The following SFPQ variants were observed in gnomAD, a reference collection of about 807,000 sequenced individuals.
The protein encoded by SFPQ is splicing factor proline and glutamine rich.
Under a neutral mutation model 72.9 loss-of-function variants are expected in SFPQ, and 11 were observed. The ratio of observed to expected loss-of-function variants is 0.15; its 90% CI spans 0.09 to 0.25. SFPQ has a LOEUF of 0.25. SFPQ is among the 10% of genes least tolerant of loss of function. SFPQ has a pLI of 1.00. For synonymous variants in SFPQ, 506 were observed against 367.3 expected (o/e 1.38, Z -4.32); for missense variants, 847 against 993.3 (o/e 0.85, Z 1.98).
rs767762835 is a variant in SFPQ at position 35,192,940 on chromosome 1, C to G, written c.110G>C (p.Gly37Ala). Residue 37 changes from glycine (G) to alanine (A), a missense_variant, in exon 1 of 10, where the codon GGC (glycine) becomes GCC (alanine). By Grantham distance (60) the Gly-to-Ala change is moderately conservative (BLOSUM62 0). Around this residue, in one of 6 missense-constraint regions of SFPQ, gnomAD observed 498 missense variants for 405.1 expected, o/e 1.23. Transcript: ENST00000357214. ...GLHDFRSPPP[G>A]MGLNQNRGPM... is the part of the protein sequence containing the mutation. Reference sequence around the variant, plus strand: ...GCCGCGATTCTGATTGAGGCCCATGCCGGGCGGCGGAGAACGGAAGTCGTG... The same window carrying G: ...GCCGCGATTCTGATTGAGGCCCATGGCGGGCGGCGGAGAACGGAAGTCGTG... 13 of 1,586,012 alleles carry G rather than the reference C, an allele frequency of 8.2e-6. No individual in the cohort carries two copies. In the African/African-American group the frequency reaches 1.2e-4, roughly 15 times the overall value.
At chr1:35,188,614 A>G (rs931501981) in intron 6 of SFPQ, among the ~76,000 whole-genome samples, 3 of 152,180 alleles carry the variant, frequency 2.0e-5, no homozygotes, top group African/African-American at 7.2e-5. Context: ...GACTGCAGTG[A>G]GCTATGATCA....
chr1:35,191,321 A>T lies in SFPQ; in HGVS notation c.1017+20T>A, dbSNP rs767364111. The T allele has an allele frequency of 3.1e-6, 5 of 1,606,104 alleles. No homozygotes were observed. The African/African-American group carries it at 6.7e-5, about 22-fold the overall frequency. The stretch of plus-strand genomic sequence containing the variant: ...CCCCACCCTTTTTAATTCTACGTAA[A>T]ATCAAACAATTACACTCACAAGCTT... On this transcript the variant is annotated intron_variant, in intron 2 of 9. Coordinates refer to ENST00000357214, the MANE Select transcript of SFPQ (RefSeq NM_005066.3).
chr1:35,178,237 G>A (rs1570102584), downstream of SFPQ: 3 of 1,096,546 alleles, frequency 2.7e-6, no homozygotes, highest in East Asian at 1.6e-4. Flanking sequence ...GTAGACACCT[G>A]AATTAGAATG....
chr1:35,176,436 C>T (rs1433062128), exon 6 of SFPQ: 3 of 152,062 alleles, frequency 2.0e-5, no homozygotes, highest in Non-Finnish European at 4.4e-5. Flanking sequence ...CCTTCCACTC[C>T]TTCTCGTTGG....
At chr1:35,189,990 G>A (rs779875783) in intron 4 of SFPQ, among the ~76,000 whole-genome samples, 1 of 152,024 alleles carries the variant, frequency 6.6e-6, no homozygotes, top group Non-Finnish European at 1.5e-5. Context: ...AGCCAGGCAC[G>A]GTGCATCATG....
At chr1:35,189,482 G>A (rs907994097) in intron 4 of SFPQ, 100 bp from the exon 5 acceptor site, 4 of 996,022 alleles carry the variant, frequency 4.0e-6, no homozygotes, top group Admixed American at 2.9e-5. Flanking sequence ...TTCTTGTAAA[G>A]AGTACAAAAG....
downstream of SFPQ, chr1:35,179,695 G>A (rs1009929591): frequency 2.2e-5 from 23 of 1,057,052 alleles, no homozygotes; most frequent in South Asian, 1.4e-4. Context: ...ATCTGAAAGT[G>A]AACAGGGTAA....
chr1:35,177,968 A>G, downstream of SFPQ: 1 of 1,211,986 alleles, frequency 8.3e-7, no homozygotes, highest in Non-Finnish European at 1.1e-6. Flanking sequence ...GTAGGGGTTA[A>G]GATTTCTAAA....
chr1:35,192,071 A>T, intron 1 of SFPQ, 151 bp downstream of exon 1: 2 of 475,032 alleles, frequency 4.2e-6, no homozygotes, highest in Non-Finnish European at 6.5e-6. Flanking sequence ...CCGCCGACCG[A>T]CGGCCCCGCA....
At chr1:35,186,260 C>T (rs181825899) in intron 9 of SFPQ, among the ~76,000 whole-genome samples, 2 of 152,172 alleles carry the variant, frequency 1.3e-5, no homozygotes, top group Non-Finnish European at 2.9e-5. Flanking sequence ...TCAGTCCTAA[C>T]GATTTGTAAA....
downstream of SFPQ, chr1:35,180,430 G>T: frequency 9.5e-7 from 1 of 1,047,638 alleles, no homozygotes; most frequent in Non-Finnish European, 1.2e-6. Flanking sequence ...CAGAAACGAC[G>T]ATGTCTTATG....
intron 4 of SFPQ, among the ~76,000 whole-genome samples, chr1:35,189,935 C>A (rs1468652287): frequency 2.6e-5 from 4 of 151,154 alleles, no homozygotes; most frequent in Admixed American, 1.3e-4. Flanking sequence ...TGGGAAACAA[C>A]AGCGAAACTC....
At chr1:35,189,631 G>A (rs962110105) in intron 4 of SFPQ, among the ~76,000 whole-genome samples, 6 of 151,994 alleles carry the variant, frequency 3.9e-5, no homozygotes, top group Admixed American at 1.3e-4. Flanking sequence ...ATTCCTTACC[G>A]AGGCTTATTT....
rs1375933735 is a variant in SFPQ at position 35,183,669 on chromosome 1, TG to T, written c.*786del. The T allele has an allele frequency of 6.7e-6, 7 of 1,039,234 alleles. No homozygotes were observed. The African/African-American group carries it at 1.0e-4, about 15-fold the overall frequency. The allele number at this position is 1,039,234 out of a possible 1,614,324, so 64.4% of individuals were successfully genotyped here. Reference sequence around the variant, plus strand: ...GCCATTTATAGGGCTTGAGATTTGTTGGTCTTTTAAAAACAAGAAATGGGGA... The same window carrying T: ...GCCATTTATAGGGCTTGAGATTTGTTGTCTTTTAAAAACAAGAAATGGGGA... On this transcript the variant is annotated 3_prime_UTR_variant, in exon 10 of 10. Coordinates refer to ENST00000357214, the MANE Select transcript of SFPQ (RefSeq NM_005066.3).
intron 1 of SFPQ, 71 bp from the exon 2 acceptor site, chr1:35,191,600 G>A (rs1640000364): frequency 5.7e-6 from 7 of 1,237,288 alleles, no homozygotes; most frequent in Admixed American, 2.3e-5. Flanking sequence ...GATAGTATTT[G>A]CTTATCTGAA....
At chr1:35,180,449 T>C (rs1433691174), downstream of SFPQ, 2 of 1,049,772 alleles carry the variant, frequency 1.9e-6, no homozygotes, top group Non-Finnish European at 2.3e-6. Flanking sequence ...TGATTGGGAA[T>C]GATTCCCAAC....
rs1639955634 is a variant in SFPQ at position 35,190,696 on chromosome 1, CGTCA to C, written c.1313_1316del (p.Leu438ArgfsTer15). The C allele has an allele frequency of 6.2e-7, 1 of 1,612,858 alleles. No individual in the cohort carries two copies. Among genetic ancestry groups the C allele is most frequent in the Admixed American group, 1.7e-5 (1 of 59,826 alleles). On this transcript the variant is annotated frameshift_variant, in exon 3 of 10. Transcript: ENST00000357214. LOFTEE classifies it high-confidence loss of function. ...TTAGAATAAACAAGACAACTTACGTCGTCAGTAAGAAAACACCTTCACTGCATCG... is the reference window on the plus strand; with the variant it reads ...TTAGAATAAACAAGACAACTTACGTCGTAAGAAAACACCTTCACTGCATCG...
intron 2 of SFPQ, 60 bp from the exon 3 acceptor site, chr1:35,191,055 T>C (rs369656092): frequency 1.3e-5 from 19 of 1,417,016 alleles, no homozygotes; most frequent in South Asian, 2.5e-5. Context: ...TACTCTTAAA[T>C]TGTCATAGGC....
chr1:35,182,484 A>C, downstream of SFPQ: 1 of 985,428 alleles, frequency 1.0e-6, no homozygotes, highest in Non-Finnish European at 1.2e-6. Flanking sequence ...TCAGTCATAC[A>C]ACCAGTATTT....
Sources: allele counts gnomAD v4.1 joint callset (sites outside exome capture counted in the v4.1 genomes callset), GRCh38; gene constraint gnomAD v4.1.1; regional missense constraint gnomAD v4.1.1; transcripts MANE v1.5; gene names NCBI Gene and HGNC (gene_info 2026-07-23, HGNC 2026-07-21).